The following DCTN6 variants were observed in gnomAD, a reference collection of about 807,000 sequenced individuals.
DCTN6 encodes the protein dynactin subunit 6, also known as dynactin 6.
Under a neutral mutation model 25.8 loss-of-function variants are expected in DCTN6, and 15 were observed. That is an observed-to-expected ratio of 0.58 (90% CI 0.39 to 0.89). The LOEUF (loss-of-function observed/expected upper bound fraction) is 0.89. Among genes scored for constraint, DCTN6 ranks in the 40% least tolerant of loss-of-function variants. The probability of loss-of-function intolerance (pLI) is 0.00; values close to 1 mark genes in which losing one functional copy is unlikely to be tolerated. For synonymous variants in DCTN6, 64 were observed against 78.3 expected, an observed-to-expected ratio of 0.82 and a Z score of 0.96; for missense variants, 198 against 237.6, an observed-to-expected ratio of 0.83 and a Z score of 1.09.
At chr8:30,161,684 G>C (rs150693808) in intron 1 of DCTN6, among the ~76,000 whole-genome samples, 1 of 152,042 alleles carries the variant, frequency 6.6e-6, no homozygotes, top group Non-Finnish European at 1.5e-5. Context: ...TTACTTACCA[G>C]TCTTTGCTTA....
chr8:30,176,531 C>G (rs1357973804), intron 3 of DCTN6: 1 of 138,780 alleles, frequency 7.2e-6, no homozygotes, highest in Non-Finnish European at 1.6e-5. Flanking sequence ...AAGACTCCGT[C>G]TCAAAAAAAA....
intron 1 of DCTN6, among the ~76,000 whole-genome samples, chr8:30,158,720 T>G (rs1398513439): frequency 2.3e-4 from 32 of 136,520 alleles, no homozygotes; most frequent in African/African-American, 8.9e-4. Flanking sequence ...TTTTTTTTTT[T>G]GTGAGACAGA....
intron 1 of DCTN6, among the ~76,000 whole-genome samples, chr8:30,157,065 T>C (rs370950646): frequency 3.3e-5 from 5 of 152,200 alleles, no homozygotes; most frequent in African/African-American, 1.2e-4. Context: ...TTGTATCAGA[T>C]GGGTAATTTT....
intron 2 of DCTN6, among the ~76,000 whole-genome samples, chr8:30,170,384 A>G (rs1803748065): frequency 6.6e-6 from 1 of 152,086 alleles, no homozygotes. Context: ...TAACACTGGG[A>G]CCTGTAGTTT....
chr8:30,159,347 G>A (rs1346213845), intron 1 of DCTN6, among the ~76,000 whole-genome samples: 3 of 151,884 alleles, frequency 2.0e-5, no homozygotes, highest in African/African-American at 4.8e-5. Flanking sequence ...ATTTGTGTAT[G>A]TCTTCTTTTT....
At chr8:30,158,522 A>C (rs1585496999) in intron 1 of DCTN6, among the ~76,000 whole-genome samples, 1 of 152,256 alleles carries the variant, frequency 6.6e-6, no homozygotes, top group East Asian at 1.9e-4. Flanking sequence ...GACTGATTTC[A>C]GGACAGTGAT....
At chr8:30,160,665 T>C (rs1803583055) in intron 1 of DCTN6, among the ~76,000 whole-genome samples, 1 of 152,246 alleles carries the variant, frequency 6.6e-6, no homozygotes. Context: ...ACAGTATAAT[T>C]ATTTACATAG....
At chr8:30,168,963 G>A (rs1163744581) in intron 2 of DCTN6, among the ~76,000 whole-genome samples, 4 of 152,192 alleles carry the variant, frequency 2.6e-5, no homozygotes, top group East Asian at 1.9e-4. Context: ...TATTTTGAGA[G>A]CTGAAAACAT....
intron 2 of DCTN6, among the ~76,000 whole-genome samples, chr8:30,165,019 A>G (rs1803646603): frequency 6.6e-6 from 1 of 152,238 alleles, no homozygotes; most frequent in Non-Finnish European, 1.5e-5. Context: ...TAATGAGATC[A>G]GGGTTCTATT....
At position 30,178,979 on chromosome 8, in the gene DCTN6, T is replaced by A. The variant is rs145838511; in HGVS notation, c.284-429T>A. 6.7e-3 allele frequency among the ~76,000 whole-genome samples: 1,025 copies of A among 152,306 alleles called. 7 individuals carry two copies. The highest frequency in any genetic ancestry group is 0.023 in the African/African-American group (972 of 41,564). On this transcript the variant is annotated intron_variant, in intron 4 of 6. Coordinates refer to ENST00000221114, the MANE Select transcript of DCTN6 (RefSeq NM_006571.4). ...GCCTAAAGATTTTAATAGCGTGGAATAATGCTTGCAAATTTAAGTGAACTG... is the reference window on the plus strand; with the variant it reads ...GCCTAAAGATTTTAATAGCGTGGAAAAATGCTTGCAAATTTAAGTGAACTG...
At chr8:30,175,544 T>G (rs1422884606) in intron 3 of DCTN6, among the ~76,000 whole-genome samples, 1 of 151,616 alleles carries the variant, frequency 6.6e-6, no homozygotes, top group Non-Finnish European at 1.5e-5. Flanking sequence ...TTTTTTTTGA[T>G]TTTTTGGTTG....
chr8:30,173,741 A>AAAAC (rs1554488840), intron 2 of DCTN6, among the ~76,000 whole-genome samples: 10 of 146,182 alleles, frequency 6.8e-5, no homozygotes, highest in South Asian at 2.1e-4. Context: ...TAAAAAAAAA[A>AAAAC]AAAAAAAAAA....
chr8:30,174,624 A>G (rs1320761822), intron 2 of DCTN6, among the ~76,000 whole-genome samples: 1 of 152,158 alleles, frequency 6.6e-6, no homozygotes, highest in Admixed American at 6.5e-5. Flanking sequence ...TAATAAAAAG[A>G]CTAATTCGGA....
At chr8:30,159,612 T>G (rs1803572650) in intron 1 of DCTN6, among the ~76,000 whole-genome samples, 1 of 152,156 alleles carries the variant, frequency 6.6e-6, no homozygotes, top group African/African-American at 2.4e-5. Context: ...TACCTCAGAC[T>G]GAGTTTATCT....
chr8:30,177,280 G>A lies in DCTN6; in HGVS notation c.283+66G>A, dbSNP rs980889343. On this transcript the variant is annotated intron_variant, in intron 4 of 6. Coordinates refer to ENST00000221114, the MANE Select transcript of DCTN6 (RefSeq NM_006571.4). ...TCCTTTAGTACCTAAGTCTTCTCCT[G>A]TAGAAATTGTAAATAATTCCTGGCT... The A allele has an allele frequency of 1.1e-5, 14 of 1,300,198 alleles. 1 individual carries two copies. The Admixed American group carries it at 2.9e-4, about 27-fold the overall frequency. The allele number at this position is 1,300,198 out of a possible 1,614,324, so 80.5% of individuals were successfully genotyped here.
chr8:30,168,799 C>T (rs1221914321), intron 2 of DCTN6, among the ~76,000 whole-genome samples: 1 of 152,154 alleles, frequency 6.6e-6, no homozygotes, highest in Non-Finnish European at 1.5e-5. Flanking sequence ...TGGAGCCTGA[C>T]CCCCTTATTC....
chr8:30,162,780 CAT>C (rs1803613622), intron 1 of DCTN6, among the ~76,000 whole-genome samples: 1 of 152,110 alleles, frequency 6.6e-6, no homozygotes, highest in African/African-American at 2.4e-5. Context: ...AAAAGTTTCT[CAT>C]ATATGTGTAT....
At chr8:30,162,898 C>T (rs985137571) in intron 1 of DCTN6, among the ~76,000 whole-genome samples, 4 of 152,014 alleles carry the variant, frequency 2.6e-5, no homozygotes, top group African/African-American at 9.7e-5. Flanking sequence ...TTTTTTCTTC[C>T]TACCTTTACA....
At chr8:30,171,746 A>C (rs1035457380) in intron 2 of DCTN6, among the ~76,000 whole-genome samples, 5 of 152,160 alleles carry the variant, frequency 3.3e-5, no homozygotes, top group Admixed American at 2.0e-4. Flanking sequence ...CTTACTATGA[A>C]AAAGTTGTGC....
Sources: gnomAD v4.1 joint callset for allele counts (sites outside exome capture counted in the v4.1 genomes callset) on GRCh38, gnomAD v4.1.1 for gene constraint, MANE v1.5 for transcripts, NCBI Gene and HGNC (gene_info 2026-07-23, HGNC 2026-07-21) for gene names.